The following ABR variants were observed in gnomAD, a reference collection of about 807,000 sequenced individuals.
ABR encodes active breakpoint cluster region-related protein.
A neutral mutation model predicts 107.2 loss-of-function variants in ABR; 35 were observed. That is an observed-to-expected ratio of 0.33 (90% CI 0.25 to 0.43). The LOEUF is 0.43. Ranked by LOEUF, ABR falls within the 20% of genes least tolerant of loss-of-function variation. The probability of loss-of-function intolerance (pLI) is 1.00; values close to 1 mark genes in which losing one functional copy is unlikely to be tolerated. For missense variants in ABR, 815 were observed against 1,115.2 expected, an observed-to-expected ratio of 0.73 and a Z score of 3.83; for synonymous variants, 498 against 462.0, an observed-to-expected ratio of 1.08 and a Z score of -1.00.
In ABR at chr17:1,071,185, G is replaced by A. The variant is rs77790510; in HGVS notation, c.895-1095C>T. ...TCTCAAAAAAAGGATGACTGAAAAC[G>A]GAGGGTACGCTAAGCCCTCTGGAGA... On this transcript the variant is annotated intron_variant, in intron 8 of 22. Transcript: ENST00000302538. This position sits in a 1 kb window ranked among gnomAD's most constrained non-coding sequence, Gnocchi z 5.1. 4.3e-3 allele frequency among the ~76,000 whole-genome samples: 656 copies of A among 152,212 alleles called. 4 individuals carry two copies. Among genetic ancestry groups the A allele is most frequent in the African/African-American group, 0.015 (624 of 41,526 alleles).
chr17:1,094,735 G>C (rs778035321), intron 3 of ABR, among the ~76,000 whole-genome samples: 1 of 152,142 alleles, frequency 6.6e-6, no homozygotes, highest in Non-Finnish European at 1.5e-5. Context: ...TGGACGATGC[G>C]ACTGACTGTA....
intron 1 of ABR, among the ~76,000 whole-genome samples, chr17:1,132,967 G>C (rs2039910868): frequency 6.6e-6 from 1 of 152,174 alleles, no homozygotes; most frequent in Non-Finnish European, 1.5e-5. Context: ...CTTTGGCTGG[G>C]CACAGTGGCT....
intron 1 of ABR, among the ~76,000 whole-genome samples, chr17:1,129,764 T>C (rs1452563941): frequency 6.6e-6 from 1 of 152,042 alleles, no homozygotes; most frequent in Non-Finnish European, 1.5e-5. Flanking sequence ...CTGGCCAACA[T>C]GGTGAAACCC....
chr17:1,078,666 C>T lies in ABR; in HGVS notation c.700+664G>A, dbSNP rs911111519. On this transcript the variant is annotated intron_variant, in intron 6 of 22. Coordinates refer to ENST00000302538, the MANE Select transcript of ABR (RefSeq NM_021962.5). This position sits in a 1 kb window ranked among gnomAD's most constrained non-coding sequence, Gnocchi z 7.5. Reference sequence around the variant, plus strand: ...GGTTTCAACTCTAGGCTGGATGCCGCCAAAACGAAGGGGGAATTCAGGTCC... The same window carrying T: ...GGTTTCAACTCTAGGCTGGATGCCGTCAAAACGAAGGGGGAATTCAGGTCC... 3.5e-6 allele frequency: 3 copies of T among 850,750 alleles called. No homozygotes were observed. The highest frequency in any genetic ancestry group is 2.7e-5 in the East Asian group (1 of 36,982). 52.7% of individuals were successfully genotyped at this position (850,750 alleles called of 1,614,324 possible). A position where few individuals can be genotyped will look rare whatever the true frequency, so the allele number is the denominator to read the frequency against.
intron 16 of ABR, among the ~76,000 whole-genome samples, chr17:1,043,925 G>A (rs547185299): frequency 6.6e-5 from 10 of 152,336 alleles, no homozygotes; most frequent in African/African-American, 1.9e-4. Context: ...AGGGGGTGCA[G>A]AGGGCCCCTC....
In ABR at chr17:1,071,773, C is replaced by T. The variant is rs887772236; in HGVS notation, c.894+841G>A. 1.3e-5 allele frequency among the ~76,000 whole-genome samples: 2 copies of T among 152,256 alleles called. No homozygotes were observed. Among genetic ancestry groups the T allele is most frequent in the Non-Finnish European group, 2.9e-5 (2 of 68,050 alleles). On this transcript the variant is annotated intron_variant, in intron 8 of 22. Transcript: ENST00000302538. This position sits in a 1 kb window ranked among gnomAD's most constrained non-coding sequence, Gnocchi z 5.1. ...TGTCTGCATTCAAGAATGAGGCACCCGGAGGCCACTTCCCCGGCGTGGGCC... is the reference window on the plus strand; with the variant it reads ...TGTCTGCATTCAAGAATGAGGCACCTGGAGGCCACTTCCCCGGCGTGGGCC...
chr17:1,065,632 G>T (rs1202290698), intron 10 of ABR, among the ~76,000 whole-genome samples: 1 of 152,080 alleles, frequency 6.6e-6, no homozygotes, highest in Non-Finnish European at 1.5e-5. Context: ...GCATCCATGG[G>T]TACTGGTATG....
chr17:1,181,172 G>C (rs2042121599), upstream of ABR, among the ~76,000 whole-genome samples: 1 of 152,226 alleles, frequency 6.6e-6, no homozygotes, highest in African/African-American at 2.4e-5. Context: ...AACGCTGGAG[G>C]GGTGTGGGGG....
At chr17:1,135,211 T>C (rs2040005834) in intron 1 of ABR, among the ~76,000 whole-genome samples, 1 of 151,952 alleles carries the variant, frequency 6.6e-6, no homozygotes, top group African/African-American at 2.4e-5. Context: ...AGGGCCGTGC[T>C]GGAGAGGAGG....
upstream of ABR, among the ~76,000 whole-genome samples, chr17:1,184,095 A>G (rs1162459326): frequency 2.0e-5 from 3 of 151,756 alleles, no homozygotes; most frequent in Non-Finnish European, 4.4e-5. Context: ...CTGTAATCCC[A>G]GCAGTGAGCC....
chr17:1,031,660 G>A (rs1335993916), intron 16 of ABR: 3 of 1,257,004 alleles, frequency 2.4e-6, no homozygotes, highest in Non-Finnish European at 3.0e-6. Context: ...TTGGGGGGGC[G>A]CTTGCTCCCC....
chr17:1,073,756 C>T (rs1473325555), intron 6 of ABR, 79 bp from the exon 7 acceptor site: 1 of 1,326,986 alleles, frequency 7.5e-7, no homozygotes, highest in East Asian at 2.5e-5. Flanking sequence ...AGCTTCGTCC[C>T]CCCACCCGCA....
intron 3 of ABR, among the ~76,000 whole-genome samples, chr17:1,099,994 C>T (rs1181576572): frequency 2.6e-5 from 4 of 152,040 alleles, no homozygotes; most frequent in Non-Finnish European, 4.4e-5. Flanking sequence ...GGACTGGTGG[C>T]GTGCACGTGC....
intron 16 of ABR, among the ~76,000 whole-genome samples, chr17:1,048,354 G>A (rs1567648597): frequency 6.6e-6 from 1 of 152,198 alleles, no homozygotes; most frequent in African/African-American, 2.4e-5. Flanking sequence ...AGCCTGAGAT[G>A]GGGCAGCGAG....
rs11342352 is a variant in ABR, at chr17:1,092,703, G to GAA, written c.346-855_346-854dup. On this transcript the variant is annotated intron_variant, in intron 3 of 22. Transcript: ENST00000302538. This position sits in a 1 kb window ranked among gnomAD's most constrained non-coding sequence, Gnocchi z 4.6. Reference sequence around the variant, plus strand: ...TACAATGAATGAATATGAATAATCAGAAAAAAAAAAACCAAAGATGACCAG... The same window carrying GAA: ...TACAATGAATGAATATGAATAATCAGAAAAAAAAAAAAACCAAAGATGACCAG... Among the ~76,000 whole-genome samples the GAA allele has an allele frequency of 2.0e-4, 30 of 149,088 alleles. No homozygotes were observed. The highest frequency in any genetic ancestry group is 8.5e-4 in the South Asian group (4 of 4,714).
chr17:1,156,068 G>C (rs2041029277), intron 1 of ABR: 1 of 151,966 alleles, frequency 6.6e-6, no homozygotes, highest in Non-Finnish European at 1.5e-5. Flanking sequence ...CTGGTACCCA[G>C]GTGGCCCCAG....
chr17:1,194,509 T>C lies in ABR; in HGVS notation c.838+34284A>G, dbSNP rs1567881695. Among the ~76,000 whole-genome samples, 2 of 131,386 alleles carry C rather than the reference T, an allele frequency of 1.5e-5. 1 individual carries two copies. Among genetic ancestry groups the C allele is most frequent in the Non-Finnish European group, 3.3e-5 (2 of 60,646 alleles). The allele number at this position is 131,386 out of a possible 152,430, so 86.2% of individuals were successfully genotyped here. ...ACTTCGCCCAGCCTTCTTTATTTTT[T>C]AGAGACAAGTCTCACTCTATCGCCC... On this transcript the variant is annotated intron_variant, in intron 1 of 22. Transcript: ENST00000574139.
At chr17:1,012,525 C>T (rs1396541193) in intron 18 of ABR, 163 bp downstream of exon 18, 7 of 702,560 alleles carry the variant, frequency 1.0e-5, no homozygotes, top group South Asian at 1.5e-5. Context: ...CCTGTGAGCG[C>T]CTCTGCGGCC....
Position 1,110,058 on chromosome 17 carries a change from G to GC in ABR, c.247-9324dup, listed in dbSNP as rs569541457. Among the ~76,000 whole-genome samples the GC allele has an allele frequency of 2.2e-4, 32 of 145,994 alleles. 1 individual carries two copies. In the South Asian group the frequency reaches 6.3e-3, roughly 29 times the overall value. ...CCAGCACCCCCACCTCCTCCAAGCA[G>GC]CCCCCCCAGCCACCCCACCGCAGGG... On this transcript the variant is annotated intron_variant, in intron 2 of 22. Coordinates refer to ENST00000302538, the MANE Select transcript of ABR (RefSeq NM_021962.5).
Sources: allele counts gnomAD v4.1 joint callset (sites outside exome capture counted in the v4.1 genomes callset), GRCh38; gene constraint gnomAD v4.1.1; non-coding constraint Gnocchi (gnomAD v3.1); transcripts MANE v1.5; gene names NCBI Gene and HGNC (gene_info 2026-07-23, HGNC 2026-07-21).